The following ATP6V1E2 variants were observed in gnomAD, a reference collection of about 807,000 sequenced individuals.
The protein encoded by ATP6V1E2 is ATPase H+ transporting V1 subunit E2.
For synonymous variants in ATP6V1E2, 121 were observed against 104.2 expected, an observed-to-expected ratio of 1.16 and a Z score of -0.98; for missense variants, 308 against 273.3, an observed-to-expected ratio of 1.13 and a Z score of -0.90.
At chr2:46,519,507 T>C (rs551626848) in intron 4 of ATP6V1E2, 4 of 152,460 alleles carry the variant, frequency 2.6e-5, no homozygotes, top group Admixed American at 2.6e-4. Flanking sequence ...AGACAGGGCC[T>C]AATGGGCATC....
rs151203013 is a variant in ATP6V1E2 at position 46,521,715 on chromosome 2, G to A, written c.-101-8903C>T. ...TCTCTTTTTCTTTTTCTTTGAGACA[G>A]AGTCTCACTCTGTCGCCCAGACTGG... is the stretch of plus-strand genomic sequence containing the variant. On this transcript the variant is annotated intron_variant, in intron 4 of 4. Coordinates refer to ENST00000522587, the MANE Select transcript of ATP6V1E2 (RefSeq NM_001318063.2). 3.0e-3 allele frequency among the ~76,000 whole-genome samples: 449 copies of A among 152,184 alleles called. 1 individual carries two copies. The highest frequency in any genetic ancestry group is 0.01 in the African/African-American group (422 of 41,524).
At chr2:46,523,735 A>G (rs1572706302) in intron 4 of ATP6V1E2, among the ~76,000 whole-genome samples, 1 of 152,160 alleles carries the variant, frequency 6.6e-6, no homozygotes, top group Middle Eastern at 3.4e-3. Context: ...ATTCCATATA[A>G]AATTTAAAAT....
At chr2:46,526,904 T>C (rs978825267) in intron 4 of ATP6V1E2, among the ~76,000 whole-genome samples, 2 of 152,220 alleles carry the variant, frequency 1.3e-5, no homozygotes, top group South Asian at 4.1e-4. Context: ...AGAAGTAGAA[T>C]TGCTGGATCA....
At chr2:46,528,484 G>C (rs1667033555) in intron 4 of ATP6V1E2, among the ~76,000 whole-genome samples, 1 of 152,224 alleles carries the variant, frequency 6.6e-6, no homozygotes, top group African/African-American at 2.4e-5. Context: ...TAGTTAGTGG[G>C]CATGCCCACA....
intron 4 of ATP6V1E2, among the ~76,000 whole-genome samples, chr2:46,522,987 G>T (rs1385876092): frequency 6.6e-6 from 1 of 152,194 alleles, no homozygotes; most frequent in African/African-American, 2.4e-5. Context: ...TTTCTTTGAA[G>T]ATCAGTGATA....
In ATP6V1E2 at chr2:46,530,684, T is replaced by C. The variant is rs1667139292; in HGVS notation, c.-102+5129A>G. Among the ~76,000 whole-genome samples, 1 of 152,190 alleles carries C rather than the reference T, an allele frequency of 6.6e-6. No individual in the cohort carries two copies. The highest frequency in any genetic ancestry group is 1.5e-5 in the Non-Finnish European group (1 of 68,044). On this transcript the variant is annotated intron_variant, in intron 4 of 4. Coordinates refer to ENST00000522587, the MANE Select transcript of ATP6V1E2 (RefSeq NM_001318063.2). The surrounding 1 kb of genome is among the most constrained non-coding windows in gnomAD (Gnocchi z 5.2). ...TAAAGACATAACCAGGACTGGGTAA[T>C]ATATAAAGGAAAGAGGTTTCATTGA...
In ATP6V1E2 at chr2:46,524,070, A is replaced by G. The variant is rs115493522; in HGVS notation, c.-101-11258T>C. 4.2e-3 allele frequency among the ~76,000 whole-genome samples: 631 copies of G among 151,172 alleles called. 4 individuals carry two copies. The highest frequency in any genetic ancestry group is 0.015 in the African/African-American group (605 of 40,520). On this transcript the variant is annotated intron_variant, in intron 4 of 4. Transcript: ENST00000522587. ...TGTAAAGGAATACTTGTGTTTTTGC[A>G]CATTGATTTTGTATCCTGAGATTTT...
At chr2:46,527,126 CT>C in intron 4 of ATP6V1E2, among the ~76,000 whole-genome samples, 1 of 152,226 alleles carries the variant, frequency 6.6e-6, no homozygotes, top group East Asian at 1.9e-4. Context: ...ATGATCATAG[CT>C]CACTGCAGCC....
chr2:46,516,695 C>T (rs1687724211), intron 4 of ATP6V1E2, among the ~76,000 whole-genome samples: 1 of 151,080 alleles, frequency 6.6e-6, no homozygotes, highest in African/African-American at 2.4e-5. Flanking sequence ...TGAGATGCAG[C>T]AAAAGCAATT....
chr2:46,540,258 A>C (rs545958783), intron 2 of ATP6V1E2, among the ~76,000 whole-genome samples: 1 of 152,000 alleles, frequency 6.6e-6, no homozygotes, highest in East Asian at 1.9e-4. Flanking sequence ...CCCGCTCTGC[A>C]AAAAAATACA....
intron 2 of ATP6V1E2, among the ~76,000 whole-genome samples, chr2:46,539,220 T>C (rs912020833): frequency 5.3e-5 from 8 of 152,220 alleles, no homozygotes; most frequent in African/African-American, 1.9e-4. Context: ...CCTATATCAA[T>C]GAGCACCAAA....
At position 46,522,127 on chromosome 2, in the gene ATP6V1E2, A is replaced by AT. The variant is rs573272670; in HGVS notation, c.-101-9316dup. ...TCACAGTGGGACCACATCTCTACAA[A>AT]TTTTTTTTTTTAATTAGCCAGGAAT... On this transcript the variant is annotated intron_variant, in intron 4 of 4. Coordinates refer to ENST00000522587, the MANE Select transcript of ATP6V1E2 (RefSeq NM_001318063.2). Among the ~76,000 whole-genome samples the AT allele has an allele frequency of 6.4e-3, 953 of 148,678 alleles. 6 individuals carry two copies. Among genetic ancestry groups the AT allele is most frequent in the Non-Finnish European group, 0.01 (672 of 66,842 alleles).
At chr2:46,521,467 T>C (rs1666621900) in intron 4 of ATP6V1E2, among the ~76,000 whole-genome samples, 1 of 152,152 alleles carries the variant, frequency 6.6e-6, no homozygotes, top group Admixed American at 6.5e-5. Flanking sequence ...GTGTGCTTCC[T>C]ACCCCTAGCC....
intron 4 of ATP6V1E2, among the ~76,000 whole-genome samples, chr2:46,522,527 T>C (rs1666693076): frequency 6.6e-6 from 1 of 152,228 alleles, no homozygotes; most frequent in Non-Finnish European, 1.5e-5. Flanking sequence ...TTGCTGAGGA[T>C]GATGGCTTCC....
At chr2:46,520,556 A>G (rs1397733016) in intron 4 of ATP6V1E2, among the ~76,000 whole-genome samples, 1 of 152,184 alleles carries the variant, frequency 6.6e-6, no homozygotes, top group Non-Finnish European at 1.5e-5. Flanking sequence ...GCTTTGGCTC[A>G]TGCTGTTGTC....
intron 4 of ATP6V1E2, among the ~76,000 whole-genome samples, chr2:46,529,774 GATA>G (rs35889031): frequency 2.0e-5 from 3 of 150,744 alleles, no homozygotes; most frequent in East Asian, 1.9e-4. Flanking sequence ...TGATGATGAT[GATA>G]ATAATAATAA....
At chr2:46,513,337 A>G (rs1687565458) in intron 4 of ATP6V1E2, among the ~76,000 whole-genome samples, 3 of 152,204 alleles carry the variant, frequency 2.0e-5, no homozygotes, top group East Asian at 1.9e-4. Context: ...GTAACCTAAC[A>G]TGAGATTCAT....
chr2:46,520,444 G>A (rs1440691549), intron 4 of ATP6V1E2, among the ~76,000 whole-genome samples: 12 of 152,238 alleles, frequency 7.9e-5, no homozygotes, highest in Non-Finnish European at 1.8e-4. Context: ...CACTCCGCCT[G>A]TGCTGGGGAC....
chr2:46,531,264 T>G (rs1667167871), intron 4 of ATP6V1E2, among the ~76,000 whole-genome samples: 1 of 152,254 alleles, frequency 6.6e-6, no homozygotes, highest in South Asian at 2.1e-4. Flanking sequence ...ATATTTCATG[T>G]AAATGGAAAC....
Sources: allele counts gnomAD v4.1 joint callset (sites outside exome capture counted in the v4.1 genomes callset), GRCh38; gene constraint gnomAD v4.1.1; non-coding constraint Gnocchi (gnomAD v3.1); transcripts MANE v1.5; gene names NCBI Gene and HGNC (gene_info 2026-07-23, HGNC 2026-07-21).